Variants in ADAMTSL4 observed in about 807,000 individuals in gnomAD.
ADAMTSL4 encodes ADAMTS like 4.
A neutral mutation model predicts 122.8 loss-of-function variants in ADAMTSL4; 97 were observed. That is an observed-to-expected ratio of 0.79 (90% CI 0.67 to 0.93). The LOEUF (loss-of-function observed/expected upper bound fraction) is 0.93, where lower values mean the gene tolerates loss of function less well. Ranked by LOEUF, ADAMTSL4 falls within the 40% of genes least tolerant of loss-of-function variation. The pLI, the probability that ADAMTSL4 is intolerant of heterozygous loss-of-function variation, is 0.00. For missense variants in ADAMTSL4, 1,408 were observed against 1,453.5 expected (o/e 0.97, Z 0.51); for synonymous variants, 592 against 568.0 (o/e 1.04, Z -0.60).
At position 150,559,197 on chromosome 1, in the gene ADAMTSL4, G is replaced by C. The variant is rs777493238; in HGVS notation, c.2763+32G>C. 10 of 1,611,992 alleles carry C rather than the reference G, an allele frequency of 6.2e-6. No homozygotes were observed. The highest frequency in any genetic ancestry group is 8.5e-6 in the Non-Finnish European group (10 of 1,179,234). On this transcript the variant is annotated intron_variant, in intron 16 of 18. Coordinates refer to ENST00000271643, the MANE Select transcript of ADAMTSL4 (RefSeq NM_019032.6). This position sits in a 1 kb window ranked among gnomAD's most constrained non-coding sequence, Gnocchi z 4.1. ...TGAGCGCCTGCTGAGAGCAGGAAGG[G>C]GGTGCCAGTCCCAGTGGGATTCCTT...
rs1481332563 is a variant in ADAMTSL4 at position 150,552,802 on chromosome 1, G to A, written c.79-96G>A. On this transcript the variant is annotated intron_variant, in intron 4 of 18. Coordinates refer to ENST00000271643, the MANE Select transcript of ADAMTSL4 (RefSeq NM_019032.6). This position sits in a 1 kb window ranked among gnomAD's most constrained non-coding sequence, Gnocchi z 4.0. ...TGCTGCTGAATGTGACCTTGGACTGGTAGCGACTCCGTGAGCCTCAGTGTT... is the reference window on the plus strand; with the variant it reads ...TGCTGCTGAATGTGACCTTGGACTGATAGCGACTCCGTGAGCCTCAGTGTT... The A allele has an allele frequency of 7.2e-7, 1 of 1,393,102 alleles. No homozygotes were observed. Among genetic ancestry groups the A allele is most frequent in the Non-Finnish European group, 1.0e-6 (1 of 989,438 alleles). The allele number at this position is 1,393,102 out of a possible 1,614,324, so 86.3% of individuals were successfully genotyped here.
In ADAMTSL4 at chr1:150,556,689, A is replaced by T. The variant is rs1463869344; in HGVS notation, c.1645A>T (p.Arg549Trp). 1.9e-6 allele frequency: 3 copies of T among 1,613,898 alleles called. No individual in the cohort carries two copies. The highest frequency in any genetic ancestry group is 1.3e-5 in the African/African-American group (1 of 74,872). Residue 549 changes from arginine to tryptophan, a missense_variant, in exon 10 of 19, where the codon AGG becomes TGG. Coordinates refer to ENST00000271643, the MANE Select transcript of ADAMTSL4 (RefSeq NM_019032.6). This position sits in a 1 kb window ranked among gnomAD's most constrained non-coding sequence, Gnocchi z 4.1. ...GGCTGTGGATCCCCCTGGGTCCTAC[A>T]GGGCCGGCGGGACCGTCTTTCGATA... The part of the protein sequence containing the change: ...NWAVDPPGSY[R>W]AGGTVFRYNR...
Position 150,554,545 on chromosome 1 carries a change from C to T in ADAMTSL4, c.1234+78C>T. 6.3e-7 allele frequency: 1 copy of T among 1,588,450 alleles called. No homozygotes were observed. The highest frequency in any genetic ancestry group is 8.6e-7 in the Non-Finnish European group (1 of 1,167,254). On this transcript the variant is annotated intron_variant, in intron 7 of 18. Coordinates refer to ENST00000271643, the MANE Select transcript of ADAMTSL4 (RefSeq NM_019032.6). The surrounding 1 kb of genome is among the most constrained non-coding windows in gnomAD (Gnocchi z 4.0). ...GGGGAGAGGAGATACCTGCTTACTC[C>T]CAGCCCTGAATGACTTCCAGCCCCT... is the stretch of plus-strand genomic sequence containing the variant.
chr1:150,552,729 C>T lies in ADAMTSL4; in HGVS notation c.78+129C>T, dbSNP rs1278477113. ...CCACCCACCTCCCCTGCCAACTCCC[C>T]AGTTCCTTGCCTCATAACACCAAGA... On this transcript the variant is annotated intron_variant, in intron 4 of 18. Transcript: ENST00000271643. The surrounding 1 kb of genome is among the most constrained non-coding windows in gnomAD (Gnocchi z 4.0). The T allele has an allele frequency of 6.7e-6, 9 of 1,346,630 alleles. No individual in the cohort carries two copies. Among genetic ancestry groups the T allele is most frequent in the African/African-American group, 2.9e-5 (2 of 69,028 alleles). The allele number at this position is 1,346,630 out of a possible 1,614,324, so 83.4% of individuals were successfully genotyped here.
At position 150,553,682 on chromosome 1, in the gene ADAMTSL4, C is replaced by G; in HGVS notation, c.691C>G (p.Leu231Val). Residue 231 changes from leucine to valine, a missense_variant, in exon 6 of 19, where the codon CTA becomes GTA. Physicochemically the swap from Leu to Val is conservative, Grantham distance 32. Transcript: ENST00000271643. ...CACCCCATCCCCCCAAGCAGAACCTCTAAGCCCTGAAACTGCTCAGACAGA... is the reference window on the plus strand; with the variant it reads ...CACCCCATCCCCCCAAGCAGAACCTGTAAGCCCTGAAACTGCTCAGACAGA... ...VHTPSPQAEP[L>V]SPETAQTEVA... 1 of 1,613,322 alleles carries G rather than the reference C, an allele frequency of 6.2e-7. No homozygotes were observed. The highest frequency in any genetic ancestry group is 1.1e-5 in the South Asian group (1 of 91,022).
chr1:150,551,100 T>C (rs1033410206), intron 2 of ADAMTSL4: 1 of 430,108 alleles, frequency 2.3e-6, no homozygotes, highest in African/African-American at 2.0e-5. Context: ...GTGGCTGGGG[T>C]GGCTTCCAAG....
rs201977274 is a variant in ADAMTSL4 at position 150,553,451 on chromosome 1, C to A, written c.460C>A (p.Pro154Thr). The A allele has an allele frequency of 9.3e-6, 15 of 1,613,936 alleles. No homozygotes were observed. The Admixed American group carries it at 2.2e-4, about 23-fold the overall frequency. Reference protein sequence around the residue: ...RRSRLRDPIKPGMFGYGRVPF... With the variant: ...RRSRLRDPIKTGMFGYGRVPF... Reference sequence around the variant, plus strand: ...GTCCCGGCTTCGAGACCCCATCAAGCCAGGAATGTTCGGTTATGGGAGAGT... The same window carrying A: ...GTCCCGGCTTCGAGACCCCATCAAGACAGGAATGTTCGGTTATGGGAGAGT... Residue 154 changes from proline (P) to threonine (T), a missense_variant, in exon 6 of 19, where the codon CCA (proline) becomes ACA (threonine). Physicochemically the swap from Pro to Thr is conservative, Grantham distance 38. Transcript: ENST00000271643.
intron 13 of ADAMTSL4, 102 bp downstream of exon 13, chr1:150,557,725 C>A: frequency 7.1e-7 from 1 of 1,403,374 alleles, no homozygotes; most frequent in South Asian, 1.3e-5. Flanking sequence ...CATCTCCTGG[C>A]TGCAGAGAGA....
Position 150,556,393 on chromosome 1 carries a change from A to G in ADAMTSL4, c.1576+27A>G, listed in dbSNP as rs1482508664. On this transcript the variant is annotated intron_variant, in intron 9 of 18. Coordinates refer to ENST00000271643, the MANE Select transcript of ADAMTSL4 (RefSeq NM_019032.6). This position sits in a 1 kb window ranked among gnomAD's most constrained non-coding sequence, Gnocchi z 4.1. ...TGAGCACCCAGCTGCCTCCCCTTCC[A>G]CTTCCGTCTCTGTTCGGCCCTCCAT... 1 of 1,612,862 alleles carries G rather than the reference A, an allele frequency of 6.2e-7. No homozygotes were observed. The highest frequency in any genetic ancestry group is 1.3e-5 in the African/African-American group (1 of 74,900).
In ADAMTSL4 at chr1:150,555,771, G is replaced by GCA. The variant is rs587703038; in HGVS notation, c.1371+207_1371+208dup. Among the ~76,000 whole-genome samples, 310 of 151,014 alleles carry GCA rather than the reference G, an allele frequency of 2.1e-3. 3 individuals are homozygous for GCA. Among genetic ancestry groups the GCA allele is most frequent in the African/African-American group, 7.1e-3 (289 of 40,858 alleles). ...TATGCACACACATGCACATGCATAT[G>GCA]CAGACACATGCATGCACATGTGCAC... On this transcript the variant is annotated intron_variant, in intron 8 of 18. Coordinates refer to ENST00000271643, the MANE Select transcript of ADAMTSL4 (RefSeq NM_019032.6).
chr1:150,558,392 C>T (rs932929448), intron 14 of ADAMTSL4, 81 bp from the exon 15 acceptor site: 13 of 1,597,950 alleles, frequency 8.1e-6, no homozygotes, highest in South Asian at 1.1e-5. Context: ...GAAGGCAGAG[C>T]CTGGTTCTGA....
chr1:150,552,368 T>C lies in ADAMTSL4; in HGVS notation c.20+60T>C. On this transcript the variant is annotated intron_variant, in intron 3 of 18. Transcript: ENST00000271643. The surrounding 1 kb of genome is among the most constrained non-coding windows in gnomAD (Gnocchi z 4.0). ...AAGGGGAGGTGCTGGGATGGCTCTG[T>C]GTCTGGAAGTGAGGGAAAGGGGACC... The C allele has an allele frequency of 6.5e-7, 1 of 1,541,942 alleles. No homozygotes were observed. Among genetic ancestry groups the C allele is most frequent in the Non-Finnish European group, 8.8e-7 (1 of 1,136,458 alleles).
Position 150,553,167 on chromosome 1 carries a change from A to T in ADAMTSL4, c.348A>T (p.Thr116=), listed in dbSNP as rs1389616521. The change falls in exon 5 of 19, where the codon ACA becomes ACT. Residue 116 remains threonine (T), a synonymous_variant. Transcript: ENST00000271643. The part of the protein sequence containing the change: ...TSPETLPLYR[T]QSRGRGGPLR... Reference sequence around the variant, plus strand: ...CAGAAACCCTCCCCTTGTACAGGACACAGTCTCGGGGAAGGGGTGGCCCAC... The same window carrying T: ...CAGAAACCCTCCCCTTGTACAGGACTCAGTCTCGGGGAAGGGGTGGCCCAC... 1 of 1,611,044 alleles carries T rather than the reference A, an allele frequency of 6.2e-7. No individual in the cohort carries two copies. The highest frequency in any genetic ancestry group is 1.7e-5 in the Admixed American group (1 of 59,756).
chr1:150,552,892 A>G lies in ADAMTSL4; in HGVS notation c.79-6A>G, dbSNP rs766686599. The stretch of plus-strand genomic sequence containing the variant: ...CCAATTCTGTCTGACCTTTTTCTCT[A>G]TATAGGTGTTGTCCGGACACTCTCT... On this transcript the variant is annotated splice_region_variant and splice_polypyrimidine_tract_variant and intron_variant, in intron 4 of 18. Transcript: ENST00000271643. This position sits in a 1 kb window ranked among gnomAD's most constrained non-coding sequence, Gnocchi z 4.0. The G allele has an allele frequency of 8.1e-6, 13 of 1,610,626 alleles. No homozygotes were observed. The East Asian group carries it at 2.5e-4, about 30-fold the overall frequency.
In ADAMTSL4 at chr1:150,555,411, T is replaced by C. The variant is rs1380406885; in HGVS notation, c.1235-18T>C. 6.2e-7 allele frequency: 1 copy of C among 1,613,788 alleles called. No homozygotes were observed. On this transcript the variant is annotated intron_variant, in intron 7 of 18. Transcript: ENST00000271643. ...CCACCAGGGAGCCCACTAACCACCC[T>C]TCTACCCTGTCCCTTAGTCCAGGGC...
chr1:150,551,040 G>C (rs778896223), intron 2 of ADAMTSL4: 1 of 455,714 alleles, frequency 2.2e-6, no homozygotes. Context: ...GAGGAGCAGG[G>C]GTGGGAAGGA....
Position 150,554,543 on chromosome 1 carries a change from T to A in ADAMTSL4, c.1234+76T>A. 6.3e-7 allele frequency: 1 copy of A among 1,590,430 alleles called. No homozygotes were observed. The highest frequency in any genetic ancestry group is 8.6e-7 in the Non-Finnish European group (1 of 1,168,250). ...AAGGGGAGAGGAGATACCTGCTTACTCCCAGCCCTGAATGACTTCCAGCCC... is the reference window on the plus strand; with the variant it reads ...AAGGGGAGAGGAGATACCTGCTTACACCCAGCCCTGAATGACTTCCAGCCC... On this transcript the variant is annotated intron_variant, in intron 7 of 18. Transcript: ENST00000271643. The surrounding 1 kb of genome is among the most constrained non-coding windows in gnomAD (Gnocchi z 4.0).
At position 150,558,947 on chromosome 1, in the gene ADAMTSL4, TCTC is replaced by T. The variant is rs373643644; in HGVS notation, c.2560-7_2560-5del. On this transcript the variant is annotated splice_polypyrimidine_tract_variant and intron_variant, in intron 15 of 18. Coordinates refer to ENST00000271643, the MANE Select transcript of ADAMTSL4 (RefSeq NM_019032.6). ...CCAGCAGGCCCCTCACACAGGCCGC[TCTC>T]CTCCTCCGCAGTGCTCAGCCGAGTG... 6,700 of 1,596,008 alleles carry T rather than the reference TCTC, an allele frequency of 4.2e-3. 24 individuals are homozygous for T. The highest frequency in any genetic ancestry group is 5.4e-3 in the Non-Finnish European group (6,340 of 1,173,902).
rs1570935458 is a variant in ADAMTSL4, at chr1:150,554,822, T to C, written c.1234+355T>C. 1.0e-4 allele frequency: 65 copies of C among 647,248 alleles called. 1 individual carries two copies. In the East Asian group the frequency reaches 1.8e-3, roughly 18 times the overall value. The allele number at this position is 647,248 out of a possible 1,614,324, so 40.1% of individuals were successfully genotyped here. On this transcript the variant is annotated intron_variant, in intron 7 of 18. Coordinates refer to ENST00000271643, the MANE Select transcript of ADAMTSL4 (RefSeq NM_019032.6). This position sits in a 1 kb window ranked among gnomAD's most constrained non-coding sequence, Gnocchi z 4.0. Reference sequence around the variant, plus strand: ...GCCACGCATCCTGGGCACTGTCGTATCGGTTGCTCCCAGGTTACCATCCGC... The same window carrying C: ...GCCACGCATCCTGGGCACTGTCGTACCGGTTGCTCCCAGGTTACCATCCGC...
Sources: gnomAD v4.1 joint callset for allele counts (sites outside exome capture counted in the v4.1 genomes callset) on GRCh38, gnomAD v4.1.1 for gene constraint, Gnocchi (gnomAD v3.1) non-coding constraint, MANE v1.5 for transcripts, NCBI Gene and HGNC (gene_info 2026-07-23, HGNC 2026-07-21) for gene names.